IKZF3: variants seen among roughly 807,000 people sequenced by gnomAD.
IKZF3 encodes the protein IKAROS family zinc finger 3, also known as zinc finger protein Aiolos.
A neutral mutation model predicts 49.0 loss-of-function variants in IKZF3; 10 were observed. The observed-to-expected ratio is 0.20, with a 90% CI of 0.13 to 0.35. The LOEUF (loss-of-function observed/expected upper bound fraction) is 0.35. Ranked by LOEUF, IKZF3 falls within the 10% of genes least tolerant of loss-of-function variation. The pLI is 1.00. For synonymous variants in IKZF3, 209 were observed against 228.2 expected (o/e 0.92, Z 0.76); for missense variants, 498 against 664.8 (o/e 0.75, Z 2.76).
chr17:39,791,267 G>T, intron 5 of IKZF3, 149 bp downstream of exon 5: 1 of 708,510 alleles, frequency 1.4e-6, no homozygotes, highest in Non-Finnish European at 2.3e-6. Context: ...CTTAATGGTC[G>T]TGTAATTAGC....
chr17:39,793,903 C>T (rs954648913), intron 3 of IKZF3, among the ~76,000 whole-genome samples: 3 of 152,208 alleles, frequency 2.0e-5, no homozygotes, highest in African/African-American at 7.2e-5. Context: ...AATTTATGTA[C>T]TTGCACTGAC....
intron 1 of IKZF3, among the ~76,000 whole-genome samples, chr17:39,850,523 A>ACATGTACATATAATATATAG (rs1568063687): frequency 0.03 from 1,058 of 35,552 alleles, 86 homozygotes; most frequent in African/African-American, 0.071. Flanking sequence ...AGCATATTAT[A>ACATGTACATATAATATATAG]CATATTATAC....
At position 39,761,581 on chromosome 17, in the gene IKZF3, A is replaced by C. The variant is rs571414119; in HGVS notation, c.*4209T>G. 2.7e-5 allele frequency: 4 copies of C among 147,048 alleles called. No homozygotes were observed. Among genetic ancestry groups the C allele is most frequent in the African/African-American group, 7.9e-5 (3 of 37,824 alleles). 9.1% of individuals were successfully genotyped at this position (147,048 alleles called of 1,614,324 possible). ...ATACATACATATATATACATATACA[A>C]AAAAAATAAAAATAAATTAAAAAAT... On this transcript the variant is annotated 3_prime_UTR_variant, in exon 8 of 8. Transcript: ENST00000346872.
rs939229023 is a variant in IKZF3 at position 39,781,625 on chromosome 17, A to G, written c.710-3858T>C. 4.6e-5 allele frequency among the ~76,000 whole-genome samples: 7 copies of G among 152,110 alleles called. No individual in the cohort carries two copies. In the East Asian group the frequency reaches 1.3e-3, roughly 29 times the overall value. ...TTGTTTCTCAGCAGTCGCTGTCTACATTTTACTGAAGTCAATGTCAATTAA... is the reference window on the plus strand; with the variant it reads ...TTGTTTCTCAGCAGTCGCTGTCTACGTTTTACTGAAGTCAATGTCAATTAA... On this transcript the variant is annotated intron_variant, in intron 6 of 7. Transcript: ENST00000346872.
intron 5 of IKZF3, among the ~76,000 whole-genome samples, chr17:39,788,934 A>ATTTTTTTG (rs1567980507): frequency 6.6e-6 from 1 of 152,010 alleles, no homozygotes; most frequent in Non-Finnish European, 1.5e-5. Flanking sequence ...TTAACTACGG[A>ATTTTTTTG]TTTTTTTGTT....
intron 1 of IKZF3, among the ~76,000 whole-genome samples, chr17:39,852,839 T>C (rs2062918968): frequency 6.6e-6 from 1 of 152,074 alleles, no homozygotes; most frequent in African/African-American, 2.4e-5. Flanking sequence ...GGCATGGTGG[T>C]GCGTGCCTAT....
intron 7 of IKZF3, among the ~76,000 whole-genome samples, chr17:39,772,239 G>T (rs2060462862): frequency 6.6e-6 from 1 of 152,154 alleles, no homozygotes; most frequent in Non-Finnish European, 1.5e-5. Context: ...GTTTAGATTT[G>T]ATTCCACTGG....
chr17:39,781,574 C>T (rs897032606), intron 6 of IKZF3, among the ~76,000 whole-genome samples: 10 of 152,230 alleles, frequency 6.6e-5, no homozygotes, highest in South Asian at 4.1e-4. Flanking sequence ...ACCCCAAGCA[C>T]GGTGCTACCC....
chr17:39,861,430 G>C lies in IKZF3; in HGVS notation c.7+2690C>G, dbSNP rs185500021. Reference sequence around the variant, plus strand: ...AGGCATAAGCAAGTAGAGAATGGGTGAACATAATAGCAAAGACATGGAAGC... The same window carrying C: ...AGGCATAAGCAAGTAGAGAATGGGTCAACATAATAGCAAAGACATGGAAGC... On this transcript the variant is annotated intron_variant, in intron 1 of 7. Transcript: ENST00000346872. 1.7e-3 allele frequency among the ~76,000 whole-genome samples: 254 copies of C among 152,206 alleles called. 1 individual carries two copies. Among genetic ancestry groups the C allele is most frequent in the East Asian group, 9.6e-4 (5 of 5,188 alleles).
At chr17:39,850,540 ATAT>A (rs1436491075) in intron 1 of IKZF3, among the ~76,000 whole-genome samples, 4 of 129,908 alleles carry the variant, frequency 3.1e-5, no homozygotes, top group Non-Finnish European at 4.6e-5. Flanking sequence ...ATACATGTAC[ATAT>A]TATAGCATAT....
chr17:39,795,752 T>C (rs1431419667), intron 3 of IKZF3, among the ~76,000 whole-genome samples: 1 of 151,300 alleles, frequency 6.6e-6, no homozygotes, highest in Non-Finnish European at 1.5e-5. Context: ...CTTCTCAAGG[T>C]AAGCCATAAT....
intron 1 of IKZF3, among the ~76,000 whole-genome samples, chr17:39,850,611 T>C (rs2062803094): frequency 2.0e-5 from 1 of 50,682 alleles, no homozygotes; most frequent in African/African-American, 7.5e-5. Flanking sequence ...ATATAGCCTA[T>C]TATATATGTA....
chr17:39,862,448 A>G (rs929154276), intron 1 of IKZF3, among the ~76,000 whole-genome samples: 4 of 152,130 alleles, frequency 2.6e-5, no homozygotes, highest in Non-Finnish European at 5.9e-5. Flanking sequence ...TCAAAACCAC[A>G]AGATGATATA....
Position 39,766,176 on chromosome 17 carries a change from T to C in IKZF3, c.1144A>G (p.Ser382Gly). 6.2e-7 allele frequency: 1 copy of C among 1,613,998 alleles called. No homozygotes were observed. The highest frequency in any genetic ancestry group is 8.5e-7 in the Non-Finnish European group (1 of 1,179,980). Reference sequence around the variant, plus strand: ...TCAGTGTCCGTGGAGTCGTGGCCACTATTGTTGGGAGAGAGGCCTCTCTCA... The same window carrying C: ...TCAGTGTCCGTGGAGTCGTGGCCACCATTGTTGGGAGAGAGGCCTCTCTCA... ...PSERGLSPNN[S>G]GHDSTDTDSN... is the part of the protein sequence containing the mutation. The change falls in exon 8 of 8, where the codon AGT (serine) becomes GGT (glycine). Residue 382 changes from serine (S) to glycine (G), a missense_variant. Coordinates refer to ENST00000346872, the MANE Select transcript of IKZF3 (RefSeq NM_012481.5).
At chr17:39,800,426 A>G (rs1436980640) in intron 3 of IKZF3, among the ~76,000 whole-genome samples, 1 of 152,182 alleles carries the variant, frequency 6.6e-6, no homozygotes, top group African/African-American at 2.4e-5. Context: ...GGCTTCCTGA[A>G]TACCTTTTTT....
chr17:39,835,372 C>A, intron 1 of IKZF3: 1 of 486,394 alleles, frequency 2.1e-6, no homozygotes, highest in East Asian at 5.3e-5. Flanking sequence ...GCATTGGCAT[C>A]CTTAATGGAC....
intron 3 of IKZF3, among the ~76,000 whole-genome samples, chr17:39,826,285 C>G (rs1041451756): frequency 1.3e-5 from 2 of 152,192 alleles, no homozygotes; most frequent in South Asian, 2.1e-4. Context: ...TCAAGCAATC[C>G]TCCTGCCTTG....
chr17:39,857,039 A>C (rs1366575000), intron 1 of IKZF3, among the ~76,000 whole-genome samples: 1 of 152,178 alleles, frequency 6.6e-6, no homozygotes, highest in African/African-American at 2.4e-5. Flanking sequence ...CCCGTGAAGC[A>C]CCTTTGTGGA....
intron 1 of IKZF3, chr17:39,836,197 A>T: frequency 1.5e-6 from 1 of 659,790 alleles, no homozygotes; most frequent in South Asian, 1.6e-5. Flanking sequence ...CTGGTTGACC[A>T]TGATGGCTGT....
Sources: gnomAD v4.1 joint callset for allele counts (sites outside exome capture counted in the v4.1 genomes callset) on GRCh38, gnomAD v4.1.1 for gene constraint, MANE v1.5 for transcripts, NCBI Gene and HGNC (gene_info 2026-07-23, HGNC 2026-07-21) for gene names.